SHANK2: variants seen among roughly 807,000 people sequenced by gnomAD.
SHANK2 encodes the protein SH3 and multiple ankyrin repeat domains 2, also known as SH3 and multiple ankyrin repeat domains protein 2.
Under a neutral mutation model 133.7 loss-of-function variants are expected in SHANK2, and 43 were observed. The observed-to-expected ratio is 0.32, with a 90% CI of 0.25 to 0.41. SHANK2 has a LOEUF of 0.41. SHANK2 is among the 10% of genes least tolerant of loss of function. The pLI is 1.00. For synonymous variants in SHANK2, 1,017 were observed against 952.8 expected (o/e 1.07, Z -1.24); for missense variants, 1,994 against 2,235.8 (o/e 0.89, Z 2.18).
At chr11:70,773,725 C>T (rs1293794794) in intron 14 of SHANK2, among the ~76,000 whole-genome samples, 6 of 152,280 alleles carry the variant, frequency 3.9e-5, no homozygotes, top group East Asian at 1.9e-4. Context: ...TGAAAAGATG[C>T]TTCACATCAT....
chr11:71,239,798 T>C (rs147569424), intron 1 of SHANK2, among the ~76,000 whole-genome samples: 2 of 152,136 alleles, frequency 1.3e-5, no homozygotes, highest in African/African-American at 4.8e-5. Flanking sequence ...TGCCTCTACA[T>C]GTGGAGTGTC....
At chr11:71,244,022 A>G (rs1268597196) in intron 1 of SHANK2, among the ~76,000 whole-genome samples, 15 of 152,248 alleles carry the variant, frequency 9.9e-5, no homozygotes, top group African/African-American at 3.1e-4. Flanking sequence ...TTATGAGGCC[A>G]GTATTACTCT....
At position 70,780,099 on chromosome 11, in the gene SHANK2, A is replaced by G. The variant is rs116387830; in HGVS notation, c.1777+18344T>C. The stretch of plus-strand genomic sequence containing the variant: ...CCCCATGGAGAAATCAGGCCAAGAG[A>G]TGGAATGAGAGCTCCCTGGGGATAC... On this transcript the variant is annotated intron_variant, in intron 14 of 25. Transcript: ENST00000601538. 4.7e-3 allele frequency among the ~76,000 whole-genome samples: 711 copies of G among 152,284 alleles called. 8 individuals are homozygous for G. Among genetic ancestry groups the G allele is most frequent in the African/African-American group, 0.016 (678 of 41,548 alleles).
chr11:70,868,027 GT>G (rs1330142392), intron 11 of SHANK2, among the ~76,000 whole-genome samples: 1 of 152,252 alleles, frequency 6.6e-6, no homozygotes, highest in African/African-American at 2.4e-5. Context: ...GGGTCCACCC[GT>G]GCTGATTATG....
intron 21 of SHANK2, among the ~76,000 whole-genome samples, chr11:70,498,528 C>T (rs565445917): frequency 1.3e-5 from 2 of 152,314 alleles, no homozygotes; most frequent in South Asian, 4.1e-4. Flanking sequence ...GGCCCCACCC[C>T]AAATCCTGCC....
chr11:70,908,079 G>GC, intron 10 of SHANK2: 1 of 256,750 alleles, frequency 3.9e-6, no homozygotes, highest in Non-Finnish European at 8.0e-6. Flanking sequence ...CTGCGCAACA[G>GC]AGTGAGAGTC....
chr11:70,662,448 T>G (rs2509835), intron 15 of SHANK2, among the ~76,000 whole-genome samples: 63,501 of 151,988 alleles, frequency 0.42, 14,551 homozygotes, highest in Non-Finnish European at 0.53. Flanking sequence ...GGGCTCTCTC[T>G]GCATCCCCCC....
intron 8 of SHANK2, among the ~76,000 whole-genome samples, chr11:71,080,810 G>A (rs1054721460): frequency 4.6e-5 from 7 of 152,138 alleles, no homozygotes; most frequent in East Asian, 1.9e-4. Flanking sequence ...CCGTGGCCCC[G>A]CATACCACGG....
intron 2 of SHANK2, among the ~76,000 whole-genome samples, chr11:71,167,866 G>A (rs1555111359): frequency 2.1e-5 from 3 of 145,864 alleles, no homozygotes; most frequent in African/African-American, 7.7e-5. Flanking sequence ...CCCAGTAGGG[G>A]CGGCCGGGCA....
chr11:70,624,563 G>A (rs1482218443), intron 17 of SHANK2, among the ~76,000 whole-genome samples: 5 of 150,996 alleles, frequency 3.3e-5, no homozygotes, highest in East Asian at 3.9e-4. Flanking sequence ...GCCTCAAACC[G>A]TCTTTCCCTT....
chr11:70,764,650 C>T (rs1314185540), intron 14 of SHANK2, among the ~76,000 whole-genome samples: 8 of 151,750 alleles, frequency 5.3e-5, no homozygotes, highest in African/African-American at 1.7e-4. Context: ...TTCACATATC[C>T]ACCCACCCAC....
intron 14 of SHANK2, among the ~76,000 whole-genome samples, chr11:70,751,666 T>A (rs1171932302): frequency 6.6e-6 from 1 of 152,240 alleles, no homozygotes; most frequent in Non-Finnish European, 1.5e-5. Flanking sequence ...TAAAAATTAT[T>A]ATATTTTATG....
chr11:70,801,436 C>T (rs1224798691), intron 13 of SHANK2, among the ~76,000 whole-genome samples: 4 of 152,294 alleles, frequency 2.6e-5, no homozygotes, highest in African/African-American at 9.6e-5. Context: ...ATGGTACCTG[C>T]TGGTCCTCTT....
chr11:70,876,327 C>T (rs1300373597), intron 11 of SHANK2, among the ~76,000 whole-genome samples: 3 of 145,388 alleles, frequency 2.1e-5, no homozygotes, highest in Admixed American at 7.1e-5. Flanking sequence ...TTTGGGAGGC[C>T]GAGGCGGGCA....
intron 2 of SHANK2, among the ~76,000 whole-genome samples, chr11:71,199,239 G>C (rs1953972090): frequency 6.6e-6 from 1 of 152,196 alleles, no homozygotes; most frequent in Admixed American, 6.5e-5. Context: ...CCCTCCAACT[G>C]TAAAATGGGA....
chr11:70,638,814 T>C (rs1465436146), intron 17 of SHANK2, among the ~76,000 whole-genome samples: 2 of 151,926 alleles, frequency 1.3e-5, no homozygotes, highest in Non-Finnish European at 2.9e-5. Flanking sequence ...CTGGCCAACA[T>C]GGTGAAACCC....
chr11:70,809,066 C>T (rs2135281957), intron 12 of SHANK2, among the ~76,000 whole-genome samples: 1 of 152,358 alleles, frequency 6.6e-6, no homozygotes, highest in East Asian at 1.9e-4. Context: ...ACACAAAGTA[C>T]TCTGAGATGC....
chr11:70,566,340 A>T (rs2059967999), intron 17 of SHANK2: 3 of 152,148 alleles, frequency 2.0e-5, no homozygotes. Context: ...CATTATTTTT[A>T]ATAAGACAAA....
chr11:70,496,577 G>A (rs961263990), intron 21 of SHANK2, among the ~76,000 whole-genome samples: 3 of 152,232 alleles, frequency 2.0e-5, no homozygotes, highest in Admixed American at 2.0e-4. Flanking sequence ...GTTCTGGGCC[G>A]ATCATCCTGT....
Sources: allele counts gnomAD v4.1 joint callset (sites outside exome capture counted in the v4.1 genomes callset), GRCh38; gene constraint gnomAD v4.1.1; transcripts MANE v1.5; gene names NCBI Gene and HGNC (gene_info 2026-07-23, HGNC 2026-07-21).